Variants in TNR observed in about 807,000 individuals in gnomAD.
The protein encoded by TNR is tenascin-R.
TNR carries 45 observed loss-of-function variants against 150.4 expected under a neutral mutation model. That is an observed-to-expected ratio of 0.30 (90% CI 0.24 to 0.38). The LOEUF (loss-of-function observed/expected upper bound fraction) is 0.38. TNR is among the 10% of genes least tolerant of loss of function. The pLI is 1.00. For missense variants in TNR, 1,544 were observed against 1,759.1 expected (o/e 0.88, Z 2.19); for synonymous variants, 687 against 678.4 (o/e 1.01, Z -0.20).
intron 1 of TNR, among the ~76,000 whole-genome samples, chr1:175,569,005 C>T (rs975365017): frequency 2.0e-5 from 3 of 151,614 alleles, no homozygotes; most frequent in Admixed American, 6.6e-5. Flanking sequence ...TTTATTCTAC[C>T]TTCTATGCAG....
At chr1:175,531,731 C>A (rs974101684) in intron 1 of TNR, among the ~76,000 whole-genome samples, 1 of 152,234 alleles carries the variant, frequency 6.6e-6, no homozygotes, top group Non-Finnish European at 1.5e-5. Context: ...CAACTTGCAA[C>A]AGCTCATCTT....
At chr1:175,527,199 G>A (rs910574814) in intron 2 of TNR, among the ~76,000 whole-genome samples, 4 of 152,168 alleles carry the variant, frequency 2.6e-5, no homozygotes, top group African/African-American at 9.7e-5. Flanking sequence ...TATCCTAGAA[G>A]CAACAAATTA....
chr1:175,494,577 C>T (rs148615901), intron 2 of TNR, among the ~76,000 whole-genome samples: 1 of 152,192 alleles, frequency 6.6e-6, no homozygotes, highest in Admixed American at 6.5e-5. Context: ...CTGAGCAGAC[C>T]TGTAGAACAA....
intron 2 of TNR, among the ~76,000 whole-genome samples, chr1:175,509,712 A>G (rs1424292900): frequency 2.0e-5 from 3 of 152,248 alleles, no homozygotes; most frequent in Non-Finnish European, 4.4e-5. Flanking sequence ...TTAAGAATTC[A>G]TAGTCTGATG....
At chr1:175,534,247 C>T (rs774461628) in intron 1 of TNR, among the ~76,000 whole-genome samples, 2 of 152,210 alleles carry the variant, frequency 1.3e-5, no homozygotes, top group Non-Finnish European at 2.9e-5. Flanking sequence ...GGGCCTGCCT[C>T]CCTTGTGTCC....
intron 1 of TNR, among the ~76,000 whole-genome samples, chr1:175,735,161 G>T (rs1456782632): frequency 6.6e-6 from 1 of 152,100 alleles, no homozygotes; most frequent in Non-Finnish European, 1.5e-5. Context: ...GCTTTCATCT[G>T]GTGTTCAGGG....
At chr1:175,522,521 C>A (rs779932209) in intron 2 of TNR, among the ~76,000 whole-genome samples, 3 of 152,028 alleles carry the variant, frequency 2.0e-5, no homozygotes, top group Non-Finnish European at 4.4e-5. Context: ...ACTCATGTAA[C>A]CAAACATCAC....
intron 1 of TNR, among the ~76,000 whole-genome samples, chr1:175,685,012 T>TC (rs1666146356): frequency 6.6e-6 from 1 of 152,164 alleles, no homozygotes; most frequent in Non-Finnish European, 1.5e-5. Context: ...TTCCTTTTTT[T>TC]CATCAAGGGG....
chr1:175,574,036 T>G (rs1661997837), intron 1 of TNR, among the ~76,000 whole-genome samples: 1 of 152,154 alleles, frequency 6.6e-6, no homozygotes, highest in African/African-American at 2.4e-5. Context: ...CAGTTGTTTT[T>G]TATCTCAGGT....
intron 1 of TNR, among the ~76,000 whole-genome samples, chr1:175,558,681 T>C (rs1176793112): frequency 1.3e-5 from 2 of 152,238 alleles, no homozygotes; most frequent in Non-Finnish European, 2.9e-5. Flanking sequence ...TTCTCTTCCA[T>C]AGGAAAAATT....
intron 1 of TNR, among the ~76,000 whole-genome samples, chr1:175,613,994 C>T (rs1026961749): frequency 6.6e-6 from 1 of 152,144 alleles, no homozygotes; most frequent in Non-Finnish European, 1.5e-5. Flanking sequence ...TGGTCCTAGG[C>T]AAGTTACTTA....
intron 11 of TNR, 47 bp from the exon 12 acceptor site, chr1:175,365,326 G>T (rs1304771361): frequency 6.5e-7 from 1 of 1,543,934 alleles, no homozygotes; most frequent in Non-Finnish European, 8.8e-7. Context: ...TGAGGAGATG[G>T]GTCACTGGGC....
chr1:175,477,387 T>C (rs531704613), intron 2 of TNR, among the ~76,000 whole-genome samples: 84 of 152,308 alleles, frequency 5.5e-4, no homozygotes, highest in Non-Finnish European at 1.1e-3. Context: ...GCTTCCTTCC[T>C]ATAACCCCAC....
chr1:175,323,864 C>A (rs1416457570), intron 22 of TNR, among the ~76,000 whole-genome samples: 3 of 152,152 alleles, frequency 2.0e-5, no homozygotes, highest in African/African-American at 7.2e-5. Context: ...CCTAGGGTGA[C>A]AAACCCTTTT....
intron 2 of TNR, among the ~76,000 whole-genome samples, chr1:175,467,889 T>C (rs1657101708): frequency 6.6e-6 from 1 of 152,186 alleles, no homozygotes; most frequent in African/African-American, 2.4e-5. Context: ...ATAATGCAAA[T>C]GCTAGTGAAA....
intron 1 of TNR, among the ~76,000 whole-genome samples, chr1:175,546,640 G>T (rs1319082428): frequency 6.6e-6 from 1 of 152,198 alleles, no homozygotes; most frequent in Non-Finnish European, 1.5e-5. Flanking sequence ...GCATTTCAAA[G>T]TGTGAGTGGC....
chr1:175,567,585 T>C (rs1661693665), intron 1 of TNR, among the ~76,000 whole-genome samples: 1 of 152,156 alleles, frequency 6.6e-6, no homozygotes. Flanking sequence ...TGTTGTGATG[T>C]TCATGTCATA....
chr1:175,610,288 G>A (rs1045808347), intron 1 of TNR, among the ~76,000 whole-genome samples: 3 of 152,182 alleles, frequency 2.0e-5, no homozygotes, highest in Non-Finnish European at 2.9e-5. Flanking sequence ...GGCTTACTAC[G>A]AAGAACCACT....
chr1:175,417,063 G>GAAAGAAAGAAAGAAAGAA (rs1553218295), intron 2 of TNR, among the ~76,000 whole-genome samples: 1 of 131,188 alleles, frequency 7.6e-6, no homozygotes, highest in Non-Finnish European at 1.7e-5. Flanking sequence ...AAGAAAGAAA[G>GAAAGAAAGAAAGAAAGAA]AAAGAAAGAA....
Sources: allele counts gnomAD v4.1 joint callset (sites outside exome capture counted in the v4.1 genomes callset), GRCh38; gene constraint gnomAD v4.1.1; transcripts MANE v1.5; gene names NCBI Gene and HGNC (gene_info 2026-07-23, HGNC 2026-07-21).